The following FBN1 variants were observed in gnomAD, a reference collection of about 807,000 sequenced individuals.
The protein encoded by FBN1 is fibrillin-1.
FBN1 carries 29 observed loss-of-function variants against 365.1 expected under a neutral mutation model. The observed-to-expected ratio is 0.08, with a 90% CI of 0.06 to 0.11. FBN1 has a LOEUF of 0.11. Among genes scored for constraint, FBN1 ranks in the 10% least tolerant of loss-of-function variants. The pLI, the probability that FBN1 is intolerant of heterozygous loss-of-function variation, is 1.00. For synonymous variants in FBN1, 1,210 were observed against 1,270.5 expected (o/e 0.95, Z 1.01); for missense variants, 2,476 against 3,703.2 (o/e 0.67, Z 8.60).
intron 53 of FBN1, 59 bp downstream of exon 53, chr15:48,436,885 CATGGCTATACAGTGAAT>C (rs774039489): frequency 3.9e-5 from 35 of 902,834 alleles, no homozygotes; most frequent in Non-Finnish European, 6.4e-5. Context: ...TACCTATATT[CATGGCTATACAGTGAAT>C]ACTGTATAGC....
intron 63 of FBN1, among the ~76,000 whole-genome samples, chr15:48,420,145 A>T (rs1443093321): frequency 7.0e-6 from 1 of 143,622 alleles, no homozygotes; most frequent in Non-Finnish European, 1.5e-5. Context: ...ATTTAATGAG[A>T]GAGTCAGTAG....
chr15:48,439,818 G>A (rs2043099233), intron 50 of FBN1, among the ~76,000 whole-genome samples: 1 of 152,130 alleles, frequency 6.6e-6, no homozygotes, highest in Non-Finnish European at 1.5e-5. Flanking sequence ...CAGTCTAAGT[G>A]GCAAATTCTC....
intron 43 of FBN1, 64 bp downstream of exon 43, chr15:48,460,182 G>A: frequency 8.1e-7 from 1 of 1,237,622 alleles, no homozygotes; most frequent in Non-Finnish European, 1.2e-6. Context: ...AATGGGAACT[G>A]AAAAAATAAT....
chr15:48,465,139 G>A (rs2043310370), intron 40 of FBN1, among the ~76,000 whole-genome samples: 1 of 152,184 alleles, frequency 6.6e-6, no homozygotes. Flanking sequence ...CCAAAGGGCC[G>A]CCTTCTAGGA....
chr15:48,448,905 A>G lies in FBN1; in HGVS notation c.5546-12T>C. 1.2e-6 allele frequency: 2 copies of G among 1,607,060 alleles called. No homozygotes were observed. Among genetic ancestry groups the G allele is most frequent in the African/African-American group, 1.3e-5 (1 of 74,896 alleles). On this transcript the variant is annotated splice_polypyrimidine_tract_variant and intron_variant, in intron 45 of 65. Coordinates refer to ENST00000316623, the MANE Select transcript of FBN1 (RefSeq NM_000138.5). ...ACATTCATTACGATCTGTAAATAAG[A>G]AGCATCTTAAGTGAGAACTTAGAAG...
chr15:48,493,470 T>C (rs764082538), intron 23 of FBN1, among the ~76,000 whole-genome samples: 16 of 152,192 alleles, frequency 1.1e-4, no homozygotes, highest in East Asian at 9.6e-4. Context: ...TCTACCTTTT[T>C]GGGTTTTTTG....
intron 29 of FBN1, among the ~76,000 whole-genome samples, chr15:48,486,181 C>T (rs990364512): frequency 2.0e-5 from 3 of 152,160 alleles, no homozygotes; most frequent in Non-Finnish European, 2.9e-5. Context: ...ATAATAGGCA[C>T]GTGGATGAAA....
chr15:48,502,673 T>C (rs763736288), intron 17 of FBN1, among the ~76,000 whole-genome samples: 3 of 152,214 alleles, frequency 2.0e-5, no homozygotes, highest in Admixed American at 6.5e-5. Context: ...GTTTTATAAA[T>C]AGAAATAATT....
Position 48,421,646 on chromosome 15 carries a change from A to C in FBN1, c.7611T>G (p.Ser2537=). The C allele has an allele frequency of 6.2e-7, 1 of 1,613,922 alleles. No individual in the cohort carries two copies. Among genetic ancestry groups the C allele is most frequent in the South Asian group, 1.1e-5 (1 of 90,958 alleles). ...ECTSDINLCG[S]KGICQNTPGS... The stretch of plus-strand genomic sequence containing the variant: ...CAGGAGTGTTCTGGCAAATGCCCTT[A>C]GACCCGCACAGATTGATGTCAGAGG... Residue 2537 remains serine, a synonymous_variant, in exon 62 of 66, where the codon TCT becomes TCG. Transcript: ENST00000316623.
intron 8 of FBN1, among the ~76,000 whole-genome samples, chr15:48,527,718 C>T (rs1388924905): frequency 6.6e-6 from 1 of 152,194 alleles, no homozygotes; most frequent in Admixed American, 6.5e-5. Flanking sequence ...CTTTTTAAAA[C>T]CAAAATCACC....
chr15:48,422,972 C>A (rs1337163144), intron 60 of FBN1, among the ~76,000 whole-genome samples: 1 of 151,732 alleles, frequency 6.6e-6, no homozygotes, highest in Non-Finnish European at 1.5e-5. Context: ...ACAAAAAAAA[C>A]AAAAATCCAA....
chr15:48,571,246 C>T (rs978639443), intron 6 of FBN1, among the ~76,000 whole-genome samples: 1 of 152,172 alleles, frequency 6.6e-6, no homozygotes, highest in Non-Finnish European at 1.5e-5. Context: ...CCATCCACCA[C>T]TGATAGCATT....
At chr15:48,553,030 A>AT (rs749295185) in intron 6 of FBN1, among the ~76,000 whole-genome samples, 1 of 152,112 alleles carries the variant, frequency 6.6e-6, no homozygotes, top group Admixed American at 6.5e-5. Context: ...ATGTACACAT[A>AT]TTTTTCCAAT....
intron 18 of FBN1, among the ~76,000 whole-genome samples, 180 bp from the exon 19 acceptor site, chr15:48,497,571 A>G (rs984420396): frequency 3.3e-5 from 5 of 152,180 alleles, no homozygotes; most frequent in Non-Finnish European, 7.4e-5. Context: ...TCTGAGTCCA[A>G]TCTTTCTCCC....
At chr15:48,604,359 A>T (rs1361645552) in intron 4 of FBN1, among the ~76,000 whole-genome samples, 1 of 152,188 alleles carries the variant, frequency 6.6e-6, no homozygotes, top group Non-Finnish European at 1.5e-5. Flanking sequence ...CAAATTAAAC[A>T]GCTAGACTAA....
At chr15:48,483,782 C>T in intron 31 of FBN1, 36 bp downstream of exon 31, 3 of 1,611,888 alleles carry the variant, frequency 1.9e-6, no homozygotes, top group South Asian at 2.2e-5. Flanking sequence ...TTATGACTAA[C>T]AAGACAAGAT....
At chr15:48,626,005 T>C (rs948830052) in intron 2 of FBN1, among the ~76,000 whole-genome samples, 1 of 152,166 alleles carries the variant, frequency 6.6e-6, no homozygotes, top group Non-Finnish European at 1.5e-5. Context: ...GTAGTGAGTA[T>C]TTAATTTATT....
Position 48,430,813 on chromosome 15 carries a change from T to G in FBN1, c.6740-11A>C, listed in dbSNP as rs768460619. The G allele has an allele frequency of 6.2e-7, 1 of 1,612,988 alleles. No homozygotes were observed. The highest frequency in any genetic ancestry group is 8.5e-7 in the Non-Finnish European group (1 of 1,179,618). On this transcript the variant is annotated splice_polypyrimidine_tract_variant and intron_variant, in intron 55 of 65. Coordinates refer to ENST00000316623, the MANE Select transcript of FBN1 (RefSeq NM_000138.5). The stretch of plus-strand genomic sequence containing the variant: ...CACACTCATCCTCATCTGTAAAAAA[T>G]GTACAATCACAAATTTGTCAAAGAA...
intron 49 of FBN1, among the ~76,000 whole-genome samples, chr15:48,443,675 G>A (rs183286535): frequency 2.0e-5 from 3 of 152,292 alleles, no homozygotes; most frequent in East Asian, 3.9e-4. Flanking sequence ...AGTCAGGGGT[G>A]TGAACTAGGT....
Sources: gnomAD v4.1 joint callset for allele counts (sites outside exome capture counted in the v4.1 genomes callset) on GRCh38, gnomAD v4.1.1 for gene constraint, MANE v1.5 for transcripts, NCBI Gene and HGNC (gene_info 2026-07-23, HGNC 2026-07-21) for gene names.